Variants in SPOCK3 observed in about 807,000 individuals in gnomAD.
The protein encoded by SPOCK3 is SPARC (osteonectin), cwcv and kazal like domains proteoglycan 3.
In SPOCK3, 30 loss-of-function variants were observed where a neutral mutation model predicts 56.6. That is an observed-to-expected ratio of 0.53 (90% CI 0.40 to 0.72). The LOEUF is 0.72. Ranked by LOEUF, SPOCK3 falls within the 30% of genes least tolerant of loss-of-function variation. SPOCK3 has a pLI of 0.00. For missense variants in SPOCK3, 527 were observed against 530.0 expected (o/e 0.99, Z 0.06); for synonymous variants, 196 against 183.3 (o/e 1.07, Z -0.56).
intron 5 of SPOCK3, among the ~76,000 whole-genome samples, chr4:166,905,061 A>C (rs1053150892): frequency 6.6e-6 from 1 of 151,948 alleles, no homozygotes; most frequent in Non-Finnish European, 1.5e-5. Context: ...CTTTATCCCT[A>C]GTTTGTAGAC....
chr4:166,813,726 GA>G (rs1218834122), intron 6 of SPOCK3, among the ~76,000 whole-genome samples: 2 of 151,524 alleles, frequency 1.3e-5, no homozygotes, highest in African/African-American at 4.8e-5. Context: ...TGCATATTAT[GA>G]AAAAAACTGC....
chr4:167,027,794 CAAGTTGAGT>C (rs1469911947), intron 3 of SPOCK3, among the ~76,000 whole-genome samples: 1 of 151,926 alleles, frequency 6.6e-6, no homozygotes, highest in East Asian at 1.9e-4. Context: ...TCGTTGTCTT[CAAGTTGAGT>C]AAGCCGAGGA....
intron 3 of SPOCK3, among the ~76,000 whole-genome samples, chr4:167,037,980 A>G (rs1752912249): frequency 6.6e-6 from 1 of 152,188 alleles, no homozygotes; most frequent in South Asian, 2.1e-4. Flanking sequence ...AAGCTCTGGG[A>G]CAAGTACAAT....
At chr4:166,844,750 C>T (rs1747877819) in intron 6 of SPOCK3, among the ~76,000 whole-genome samples, 1 of 152,146 alleles carries the variant, frequency 6.6e-6, no homozygotes, top group African/African-American at 2.4e-5. Flanking sequence ...ACATCTATAT[C>T]TATATCTATC....
intron 7 of SPOCK3, among the ~76,000 whole-genome samples, chr4:166,791,059 T>C (rs917151617): frequency 8.5e-5 from 13 of 152,196 alleles, no homozygotes; most frequent in African/African-American, 2.9e-4. Flanking sequence ...GGAACTCTTC[T>C]ATAGGAAATG....
At chr4:166,740,292 T>A (rs192544548) in intron 9 of SPOCK3, among the ~76,000 whole-genome samples, 1 of 151,724 alleles carries the variant, frequency 6.6e-6, no homozygotes, top group East Asian at 1.9e-4. Flanking sequence ...TTCATTTATA[T>A]TATGAAAGAA....
rs74501095 is a variant in SPOCK3, at chr4:167,017,963, C to T, written c.236-17500G>A. On this transcript the variant is annotated intron_variant, in intron 3 of 10. Coordinates refer to ENST00000357545, the MANE Select transcript of SPOCK3 (RefSeq NM_001040159.2). ...TGTTAAATTAGAGTAAGTAACAAGT[C>T]GTATTGTACATTTTTTTCTTTCTCA... Among the ~76,000 whole-genome samples, 5 of 151,996 alleles carry T rather than the reference C, an allele frequency of 3.3e-5. No homozygotes were observed. The East Asian group carries it at 5.8e-4, about 18-fold the overall frequency.
intron 6 of SPOCK3, among the ~76,000 whole-genome samples, chr4:166,888,871 T>A (rs1267434791): frequency 6.6e-6 from 1 of 152,020 alleles, no homozygotes; most frequent in Non-Finnish European, 1.5e-5. Context: ...AATGCATTGG[T>A]TTAGATTTCT....
chr4:167,080,025 G>C (rs1303614388), intron 2 of SPOCK3, among the ~76,000 whole-genome samples: 2 of 151,964 alleles, frequency 1.3e-5, no homozygotes, highest in East Asian at 1.9e-4. Flanking sequence ...TGCTATCTGG[G>C]GGGAGGAGGT....
chr4:166,917,535 G>A (rs1372742830), intron 4 of SPOCK3, among the ~76,000 whole-genome samples: 1 of 152,044 alleles, frequency 6.6e-6, no homozygotes, highest in Non-Finnish European at 1.5e-5. Flanking sequence ...GACTTTCAGA[G>A]AATTATTTTT....
intron 4 of SPOCK3, among the ~76,000 whole-genome samples, chr4:166,914,584 A>G (rs191127161): frequency 2.6e-5 from 4 of 152,252 alleles, no homozygotes; most frequent in African/African-American, 9.6e-5. Flanking sequence ...CAGCCTGACC[A>G]ACATGGAGAA....
At chr4:166,817,238 T>C (rs1050222681) in intron 6 of SPOCK3, among the ~76,000 whole-genome samples, 2 of 152,106 alleles carry the variant, frequency 1.3e-5, no homozygotes, top group South Asian at 2.1e-4. Flanking sequence ...AACTTGAGCT[T>C]AGGAAACTGT....
chr4:166,863,015 G>T (rs1486853566), intron 6 of SPOCK3, among the ~76,000 whole-genome samples: 2 of 152,018 alleles, frequency 1.3e-5, no homozygotes, highest in Non-Finnish European at 2.9e-5. Context: ...CAGAGAGAAA[G>T]GTCAGATTAC....
intron 2 of SPOCK3, among the ~76,000 whole-genome samples, chr4:167,204,433 C>A (rs1234206332): frequency 6.6e-6 from 1 of 152,018 alleles, no homozygotes; most frequent in East Asian, 1.9e-4. Context: ...CGGAAGGCAC[C>A]TTTTCACAGG....
chr4:167,049,049 T>C (rs1439826882), intron 3 of SPOCK3, among the ~76,000 whole-genome samples: 2 of 152,060 alleles, frequency 1.3e-5, no homozygotes, highest in Non-Finnish European at 1.5e-5. Context: ...TGATCAGATA[T>C]GCAAAGATAG....
intron 5 of SPOCK3, among the ~76,000 whole-genome samples, chr4:166,898,864 G>A (rs1398498570): frequency 5.9e-5 from 9 of 152,114 alleles, no homozygotes. Flanking sequence ...CATTATTTCT[G>A]GGCATGACTA....
chr4:167,023,438 CT>C (rs1407450922), intron 3 of SPOCK3, among the ~76,000 whole-genome samples: 1 of 151,614 alleles, frequency 6.6e-6, no homozygotes, highest in African/African-American at 2.4e-5. Context: ...GGAATTAAGA[CT>C]TGGATCATCA....
intron 4 of SPOCK3, among the ~76,000 whole-genome samples, chr4:166,973,149 G>T (rs1360993436): frequency 6.6e-6 from 1 of 151,992 alleles, no homozygotes; most frequent in Admixed American, 6.6e-5. Flanking sequence ...GAAATCTGTT[G>T]CTTTAAAAGC....
intron 6 of SPOCK3, among the ~76,000 whole-genome samples, chr4:166,797,793 G>T (rs1416573745): frequency 6.6e-6 from 1 of 152,016 alleles, no homozygotes; most frequent in Non-Finnish European, 1.5e-5. Flanking sequence ...TATTTATTGT[G>T]TATATCTGCT....
Sources: allele counts gnomAD v4.1 joint callset (sites outside exome capture counted in the v4.1 genomes callset), GRCh38; gene constraint gnomAD v4.1.1; transcripts MANE v1.5; gene names NCBI Gene and HGNC (gene_info 2026-07-23, HGNC 2026-07-21).